Variants in PRKN observed in about 807,000 individuals in gnomAD.
The protein encoded by PRKN is E3 ubiquitin-protein ligase parkin.
A neutral mutation model predicts 59.5 loss-of-function variants in PRKN; 56 were observed. That is an observed-to-expected ratio of 0.94 (90% CI 0.76 to 1.18). The LOEUF (loss-of-function observed/expected upper bound fraction) is 1.18, where lower values mean the gene tolerates loss of function less well. Among genes scored for constraint, PRKN ranks in the 50% most tolerant of loss-of-function variants. The pLI, the probability that PRKN is intolerant of heterozygous loss-of-function variation, is 0.00. For missense variants in PRKN, 657 were observed against 596.4 expected, an observed-to-expected ratio of 1.10 and a Z score of -1.06; for synonymous variants, 250 against 222.1, an observed-to-expected ratio of 1.13 and a Z score of -1.12.
rs188567994 is a variant in PRKN at position 162,100,226 on chromosome 6, C to T, written c.535-46052G>A. Among the ~76,000 whole-genome samples, 214 of 152,168 alleles carry T rather than the reference C, an allele frequency of 1.4e-3. 1 individual carries two copies. Among genetic ancestry groups the T allele is most frequent in the Non-Finnish European group, 2.7e-3 (186 of 68,016 alleles). On this transcript the variant is annotated intron_variant, in intron 4 of 11. Coordinates refer to ENST00000366898, the MANE Select transcript of PRKN (RefSeq NM_004562.3). ...CCTACCTGGGCTATTGTGAATAGTG[C>T]GGCAAAGGACATGGGAGTGCAGACA...
Position 162,206,885 on chromosome 6 carries a change from C to G in PRKN, c.413-5633G>C, listed in dbSNP as rs192458517. Among the ~76,000 whole-genome samples, 10 of 152,356 alleles carry G rather than the reference C, an allele frequency of 6.6e-5. No homozygotes were observed. The East Asian group carries it at 1.7e-3, about 26-fold the overall frequency. Reference sequence around the variant, plus strand: ...CAAATGAACAGAATCAGCACCACCTCTGATGTCCAGCAAGCGCTTCTTTAC... The same window carrying G: ...CAAATGAACAGAATCAGCACCACCTGTGATGTCCAGCAAGCGCTTCTTTAC... On this transcript the variant is annotated intron_variant, in intron 3 of 11. Coordinates refer to ENST00000366898, the MANE Select transcript of PRKN (RefSeq NM_004562.3).
intron 7 of PRKN, among the ~76,000 whole-genome samples, chr6:161,771,565 A>G (rs538314652): frequency 6.6e-6 from 1 of 152,118 alleles, no homozygotes; most frequent in South Asian, 2.1e-4. Context: ...GTTTTCCTCT[A>G]TAAATATATA....
chr6:161,420,203 G>A (rs1788030639), intron 9 of PRKN, among the ~76,000 whole-genome samples: 1 of 146,516 alleles, frequency 6.8e-6, no homozygotes, highest in Admixed American at 6.9e-5. Context: ...ATGCGCCGCT[G>A]CACTCCAGCC....
At chr6:161,905,591 C>T (rs766934767) in intron 6 of PRKN, among the ~76,000 whole-genome samples, 2 of 152,098 alleles carry the variant, frequency 1.3e-5, no homozygotes, top group African/African-American at 2.4e-5. Context: ...CGCTTCCAAG[C>T]TGTCTTTCTG....
At chr6:162,364,374 G>C (rs1033426424) in intron 2 of PRKN, among the ~76,000 whole-genome samples, 1 of 152,074 alleles carries the variant, frequency 6.6e-6, no homozygotes, top group African/African-American at 2.4e-5. Context: ...GTGGAGACTT[G>C]CGCCTTCCAA....
intron 10 of PRKN, among the ~76,000 whole-genome samples, chr6:161,368,440 A>AT: frequency 7.1e-6 from 1 of 141,632 alleles, no homozygotes; most frequent in South Asian, 2.4e-4. Context: ...ATATAGTCCC[A>AT]GCTACTCAGG....
intron 1 of PRKN, among the ~76,000 whole-genome samples, chr6:162,634,383 G>A (rs1392150096): frequency 6.6e-6 from 1 of 152,050 alleles, no homozygotes; most frequent in African/African-American, 2.4e-5. Flanking sequence ...TAATCCCAGT[G>A]CTTTCTCCAA....
chr6:162,524,745 C>A (rs1270546070), intron 1 of PRKN, among the ~76,000 whole-genome samples: 2 of 152,022 alleles, frequency 1.3e-5, no homozygotes, highest in Non-Finnish European at 2.9e-5. Flanking sequence ...CTAAAACAAC[C>A]CACTTTTTGA....
At chr6:162,339,881 G>A (rs1261243614) in intron 2 of PRKN, among the ~76,000 whole-genome samples, 2 of 148,920 alleles carry the variant, frequency 1.3e-5, no homozygotes, top group Admixed American at 6.7e-5. Context: ...GTCCACTCAG[G>A]GTTGAATGGA....
chr6:161,760,555 G>C (rs553080701), intron 7 of PRKN, among the ~76,000 whole-genome samples: 2 of 151,966 alleles, frequency 1.3e-5, no homozygotes, highest in Admixed American at 1.3e-4. Flanking sequence ...CAGGCTGAGC[G>C]CCGGAAGCCG....
chr6:161,790,334 A>G (rs2128207796), intron 6 of PRKN, among the ~76,000 whole-genome samples: 1 of 152,334 alleles, frequency 6.6e-6, no homozygotes, highest in East Asian at 1.9e-4. Context: ...AGATGAAAAG[A>G]GTTGAGAACA....
chr6:162,496,995 A>C (rs2128186687), intron 1 of PRKN, among the ~76,000 whole-genome samples: 1 of 152,326 alleles, frequency 6.6e-6, no homozygotes. Context: ...ATGGGAAATA[A>C]CTTATAAATA....
intron 1 of PRKN, among the ~76,000 whole-genome samples, chr6:162,449,102 G>T (rs1790466010): frequency 6.6e-6 from 1 of 152,000 alleles, no homozygotes; most frequent in South Asian, 2.1e-4. Context: ...GGCCAGGCTG[G>T]TCTCGAACTC....
chr6:162,663,248 T>G (rs115193100), intron 1 of PRKN, among the ~76,000 whole-genome samples: 97 of 152,242 alleles, frequency 6.4e-4, no homozygotes, highest in African/African-American at 2.2e-3. Flanking sequence ...GCAGGCACCA[T>G]TACTATCTCA....
intron 6 of PRKN, among the ~76,000 whole-genome samples, chr6:161,900,014 G>A (rs1021383390): frequency 6.6e-6 from 1 of 151,966 alleles, no homozygotes; most frequent in Non-Finnish European, 1.5e-5. Flanking sequence ...GGAGGCTGAG[G>A]CAGGGAGATT....
intron 2 of PRKN, among the ~76,000 whole-genome samples, chr6:162,401,860 C>G (rs1357150621): frequency 6.6e-6 from 1 of 152,166 alleles, no homozygotes; most frequent in Non-Finnish European, 1.5e-5. Flanking sequence ...CAGGAAATCT[C>G]ATCAGACCAA....
intron 1 of PRKN, among the ~76,000 whole-genome samples, chr6:162,711,872 T>A (rs1348008492): frequency 1.3e-5 from 2 of 152,296 alleles, no homozygotes; most frequent in African/African-American, 4.8e-5. Context: ...CAGATCATAT[T>A]AGGTAGCAGA....
chr6:162,281,326 T>C (rs1363528753), intron 2 of PRKN, among the ~76,000 whole-genome samples: 1 of 152,000 alleles, frequency 6.6e-6, no homozygotes, highest in Non-Finnish European at 1.5e-5. Context: ...AATGATGAGC[T>C]GACGGGTGCA....
intron 2 of PRKN, among the ~76,000 whole-genome samples, chr6:162,354,568 C>T (rs1583429514): frequency 1.3e-5 from 2 of 152,016 alleles, no homozygotes; most frequent in East Asian, 3.8e-4. Context: ...ATTTCCACCT[C>T]TAATTAGCAG....
Sources: gnomAD v4.1 joint callset for allele counts (sites outside exome capture counted in the v4.1 genomes callset) on GRCh38, gnomAD v4.1.1 for gene constraint, MANE v1.5 for transcripts, NCBI Gene and HGNC (gene_info 2026-07-23, HGNC 2026-07-21) for gene names.